Variants in UBQLN1 observed in about 807,000 individuals in gnomAD.
UBQLN1 encodes ubiquilin 1.
Under a neutral mutation model 65.4 loss-of-function variants are expected in UBQLN1, and 13 were observed. The observed-to-expected ratio is 0.20, with a 90% CI of 0.13 to 0.32. The LOEUF is 0.32. UBQLN1 is among the 10% of genes least tolerant of loss of function. The probability of loss-of-function intolerance (pLI) is 1.00; values close to 1 mark genes in which losing one functional copy is unlikely to be tolerated. For synonymous variants in UBQLN1, 267 were observed against 247.8 expected, an observed-to-expected ratio of 1.08 and a Z score of -0.73; for missense variants, 561 against 724.0, an observed-to-expected ratio of 0.77 and a Z score of 2.58.
At chr9:83,695,563 A>G (rs898760566) in intron 1 of UBQLN1, among the ~76,000 whole-genome samples, 1 of 152,078 alleles carries the variant, frequency 6.6e-6, no homozygotes, top group Non-Finnish European at 1.5e-5. Flanking sequence ...TGTAAAAGGT[A>G]TTTTTTAAAT....
chr9:83,697,716 C>T lies in UBQLN1; in HGVS notation c.180+9784G>A, dbSNP rs190928001. ...GACTACAGGCATGCACCACCACACG[C>T]GGCTATTTTTTGTACCCTTTTTTTT... On this transcript the variant is annotated intron_variant, in intron 1 of 10. Transcript: ENST00000376395. 5.0e-3 allele frequency among the ~76,000 whole-genome samples: 735 copies of T among 146,544 alleles called. 5 individuals carry two copies. Among genetic ancestry groups the T allele is most frequent in the Middle Eastern group, 0.014 (4 of 280 alleles).
intron 1 of UBQLN1, among the ~76,000 whole-genome samples, chr9:83,701,935 T>C (rs1832316427): frequency 6.6e-6 from 1 of 152,002 alleles, no homozygotes; most frequent in Non-Finnish European, 1.5e-5. Flanking sequence ...GATAGAAAAA[T>C]AAAATGTGGA....
chr9:83,686,031 A>T lies in UBQLN1; in HGVS notation c.305T>A (p.Val102Asp). ...SQHGIHDGLT[V>D]HLVIKTQNRP... ...GTTTTGTGTTTTAATGACAAGGTGAACAGTAAGTCCATCATGAATTCCATG... is the reference window on the plus strand; with the variant it reads ...GTTTTGTGTTTTAATGACAAGGTGATCAGTAAGTCCATCATGAATTCCATG... The change falls in exon 2 of 11, where the codon GTT becomes GAT. Residue 102 changes from valine (V) to aspartate (D), a missense_variant. Around this residue, in one of 8 missense-constraint regions of UBQLN1, gnomAD observed 18 missense variants for 45.1 expected, o/e 0.40. Transcript: ENST00000376395. 1 of 1,606,426 alleles carries T rather than the reference A, an allele frequency of 6.2e-7. No homozygotes were observed. Among genetic ancestry groups the T allele is most frequent in the Non-Finnish European group, 8.5e-7 (1 of 1,177,338 alleles).
At chr9:83,703,384 G>A (rs1010247815) in intron 1 of UBQLN1, among the ~76,000 whole-genome samples, 3 of 152,054 alleles carry the variant, frequency 2.0e-5, no homozygotes, top group African/African-American at 7.2e-5. Context: ...TGTTTCACTC[G>A]CAAAATTATT....
chr9:83,700,118 T>A (rs550839643), intron 1 of UBQLN1, among the ~76,000 whole-genome samples: 26 of 152,368 alleles, frequency 1.7e-4, no homozygotes, highest in African/African-American at 5.8e-4. Context: ...ATATTCATTA[T>A]GAACCATCTT....
chr9:83,661,115 T>G lies in UBQLN1; in HGVS notation c.*672A>C, dbSNP rs1329327967. ...CAGAATCAGCTTTTCTACTGTATTT[T>G]CAACAAACCTGACTAACCGGCACTT... On this transcript the variant is annotated 3_prime_UTR_variant, in exon 11 of 11. Coordinates refer to ENST00000376395, the MANE Select transcript of UBQLN1 (RefSeq NM_013438.5). The G allele has an allele frequency of 6.6e-6, 1 of 152,232 alleles. No homozygotes were observed. 9.4% of individuals were successfully genotyped at this position (152,232 alleles called of 1,614,324 possible). A position where few individuals can be genotyped will look rare whatever the true frequency, so the allele number is the denominator to read the frequency against.
intron 1 of UBQLN1, among the ~76,000 whole-genome samples, chr9:83,689,918 C>T (rs1832098557): frequency 6.6e-6 from 1 of 152,122 alleles, no homozygotes; most frequent in Non-Finnish European, 1.5e-5. Flanking sequence ...GCAAACAACA[C>T]AGGTAACTTT....
rs1831542665 is a variant in UBQLN1 at position 83,660,274 on chromosome 9, T to C, written c.*1513A>G. On this transcript the variant is annotated 3_prime_UTR_variant, in exon 11 of 11. Coordinates refer to ENST00000376395, the MANE Select transcript of UBQLN1 (RefSeq NM_013438.5). ...AACATACAGAAGTAATGCAATCAAC[T>C]TGTATTTCCCTTGATTTTATTGGTC... 1 of 152,690 alleles carries C rather than the reference T, an allele frequency of 6.5e-6. No homozygotes were observed. The highest frequency in any genetic ancestry group is 2.4e-5 in the African/African-American group (1 of 41,468). The allele number at this position is 152,690 out of a possible 1,614,324, so 9.5% of individuals were successfully genotyped here.
At position 83,707,903 on chromosome 9, in the gene UBQLN1, TTCAGGCGCCGC is replaced by T; in HGVS notation, c.-235_-225del. On this transcript the variant is annotated 5_prime_UTR_variant, in exon 1 of 11. Transcript: ENST00000376395. The stretch of plus-strand genomic sequence containing the variant: ...TCAGGCGCTCGGCAGCCGCCGTGTG[TTCAGGCGCCGC>T]TCGCTCACACCGACATCCGCAGCAG... The T allele has an allele frequency of 1.8e-6, 1 of 567,216 alleles. No homozygotes were observed. 35.1% of individuals were successfully genotyped at this position (567,216 alleles called of 1,614,324 possible).
chr9:83,687,258 G>A (rs1021255611), intron 1 of UBQLN1, among the ~76,000 whole-genome samples: 1 of 152,122 alleles, frequency 6.6e-6, no homozygotes, highest in Non-Finnish European at 1.5e-5. Context: ...GCTTTCCAGG[G>A]ACCAGACACA....
intron 2 of UBQLN1, among the ~76,000 whole-genome samples, chr9:83,683,414 CAA>C (rs766459859): frequency 0.17 from 11,992 of 69,640 alleles, 234 homozygotes; most frequent in Non-Finnish European, 0.22. Context: ...GACTCCGTCT[CAA>C]AAAAAAAAAA....
At chr9:83,702,539 GA>G (rs1468985018) in intron 1 of UBQLN1, among the ~76,000 whole-genome samples, 2 of 151,558 alleles carry the variant, frequency 1.3e-5, no homozygotes, top group African/African-American at 2.4e-5. Context: ...CAGCCATACT[GA>G]AAAAAAAGTT....
chr9:83,704,212 T>C (rs1478587752), intron 1 of UBQLN1, among the ~76,000 whole-genome samples: 1 of 152,260 alleles, frequency 6.6e-6, no homozygotes, highest in Non-Finnish European at 1.5e-5. Flanking sequence ...GTATTTTTAA[T>C]GACAAATTTT....
rs200324286 is a variant in UBQLN1 at position 83,665,199 on chromosome 9, A to C, written c.1333-54T>G. 4.4e-6 allele frequency: 6 copies of C among 1,351,198 alleles called. No individual in the cohort carries two copies. In the Admixed American group the frequency reaches 1.2e-4, roughly 27 times the overall value. 83.7% of individuals were successfully genotyped at this position (1,351,198 alleles called of 1,614,324 possible). ...AAAGGAATTAAAATCAGTGAACGTA[A>C]ATTTTTAAATCTTTTCTCTGTTATG... On this transcript the variant is annotated intron_variant, in intron 8 of 10. Coordinates refer to ENST00000376395, the MANE Select transcript of UBQLN1 (RefSeq NM_013438.5).
At chr9:83,698,671 T>C (rs930133642) in intron 1 of UBQLN1, among the ~76,000 whole-genome samples, 2 of 152,142 alleles carry the variant, frequency 1.3e-5, no homozygotes, top group African/African-American at 2.4e-5. Context: ...TCCTAGCATT[T>C]TGGGAGACCA....
intron 7 of UBQLN1, chr9:83,668,558 T>C: frequency 2.0e-6 from 2 of 985,520 alleles, no homozygotes; most frequent in Non-Finnish European, 2.4e-6. Context: ...CCATCGGTAC[T>C]GTCTATAAAG....
intron 4 of UBQLN1, 139 bp downstream of exon 4, chr9:83,679,636 G>C (rs1234347058): frequency 2.2e-6 from 2 of 892,430 alleles, no homozygotes; most frequent in Non-Finnish European, 1.6e-6. Context: ...TTAGCGCTTT[G>C]TTGAGTTTTC....
At chr9:83,677,056 G>A (rs891380181) in intron 6 of UBQLN1, among the ~76,000 whole-genome samples, 2 of 152,204 alleles carry the variant, frequency 1.3e-5, no homozygotes, top group Non-Finnish European at 2.9e-5. Flanking sequence ...CTGAGGGTAA[G>A]ATCTGGGAAT....
Position 83,661,872 on chromosome 9 carries a change from C to T in UBQLN1, c.1685G>A (p.Arg562His), listed in dbSNP as rs142669512. ...EQLSAMGFLN[R>H]EANLQALIAT... ...TATTAGAGCTTGCAAGTTTGCTTCA[C>T]GGTTCAAAAATCCCATTGCACTGAG... is the stretch of plus-strand genomic sequence containing the variant. The change falls in exon 11 of 11, where the codon CGT (arginine) becomes CAT (histidine). Residue 562 changes from arginine (R) to histidine (H), a missense_variant. Physicochemically the swap from Arg to His is conservative, Grantham distance 29. Transcript: ENST00000376395. 6.2e-6 allele frequency: 10 copies of T among 1,613,808 alleles called. No homozygotes were observed. Among genetic ancestry groups the T allele is most frequent in the African/African-American group, 2.7e-5 (2 of 74,890 alleles).
Sources: allele counts gnomAD v4.1 joint callset (sites outside exome capture counted in the v4.1 genomes callset), GRCh38; gene constraint gnomAD v4.1.1; regional missense constraint gnomAD v4.1.1; transcripts MANE v1.5; gene names NCBI Gene and HGNC (gene_info 2026-07-23, HGNC 2026-07-21).